CNTNAP2: variants seen among roughly 807,000 people sequenced by gnomAD.
The protein encoded by CNTNAP2 is contactin associated protein 2, also known as contactin-associated protein-like 2.
Under a neutral mutation model 155.2 loss-of-function variants are expected in CNTNAP2, and 98 were observed. That is an observed-to-expected ratio of 0.63 (90% CI 0.54 to 0.75). The LOEUF is 0.75. Among genes scored for constraint, CNTNAP2 ranks in the 30% least tolerant of loss-of-function variants. The pLI, the probability that CNTNAP2 is intolerant of heterozygous loss-of-function variation, is 0.00. For missense variants in CNTNAP2, 1,727 were observed against 1,688.1 expected, an observed-to-expected ratio of 1.02 and a Z score of -0.40; for synonymous variants, 651 against 631.2, an observed-to-expected ratio of 1.03 and a Z score of -0.47.
chr7:148,395,985 G>A lies in CNTNAP2; in HGVS notation c.3715+12097G>A, dbSNP rs78854693. Among the ~76,000 whole-genome samples the A allele has an allele frequency of 2.6e-4, 40 of 152,088 alleles. No homozygotes were observed. In the East Asian group the frequency reaches 6.6e-3, roughly 25 times the overall value. ...CCCAGGGAGGTTAGGACTCTGTCCC[G>A]TTCTTCTCCCTGGGCTGTCCACCCT... On this transcript the variant is annotated intron_variant, in intron 22 of 23. Transcript: ENST00000361727.
At chr7:147,973,489 A>G (rs1026286006) in intron 14 of CNTNAP2, among the ~76,000 whole-genome samples, 1 of 152,308 alleles carries the variant, frequency 6.6e-6, no homozygotes, top group South Asian at 2.1e-4. Flanking sequence ...TATAAACTTC[A>G]ATATAGCATT....
intron 21 of CNTNAP2, among the ~76,000 whole-genome samples, chr7:148,346,743 G>C (rs973769678): frequency 2.0e-5 from 3 of 148,732 alleles, no homozygotes; most frequent in African/African-American, 7.5e-5. Context: ...TTGCACTCCA[G>C]CCTGGGCAAC....
At chr7:146,325,101 G>T (rs534241314) in intron 1 of CNTNAP2, among the ~76,000 whole-genome samples, 165 of 150,456 alleles carry the variant, frequency 1.1e-3, no homozygotes, top group African/African-American at 3.9e-3. Flanking sequence ...CCAATTTTTT[G>T]TTTTTTTTCT....
chr7:148,316,461 C>T (rs1307597059), intron 21 of CNTNAP2, among the ~76,000 whole-genome samples: 1 of 152,094 alleles, frequency 6.6e-6, no homozygotes, highest in East Asian at 1.9e-4. Flanking sequence ...ATAATTGGCA[C>T]CAGACTCTAG....
chr7:147,615,976 A>G (rs1801283951), intron 12 of CNTNAP2, among the ~76,000 whole-genome samples: 1 of 151,910 alleles, frequency 6.6e-6, no homozygotes, highest in South Asian at 2.1e-4. Flanking sequence ...TCTATTTCCC[A>G]CAATTTCTCC....
intron 8 of CNTNAP2, among the ~76,000 whole-genome samples, chr7:147,154,063 A>C (rs939313324): frequency 1.3e-5 from 2 of 152,104 alleles, no homozygotes; most frequent in Non-Finnish European, 1.5e-5. Context: ...AAGAAATTAC[A>C]TCAAGGAGAA....
intron 14 of CNTNAP2, among the ~76,000 whole-genome samples, chr7:147,948,072 A>C (rs2204923): frequency 0.51 from 76,904 of 151,824 alleles, 20,526 homozygotes; most frequent in Middle Eastern, 0.71. Flanking sequence ...AAAATTAATT[A>C]TTTTCAAAGC....
intron 3 of CNTNAP2, among the ~76,000 whole-genome samples, chr7:147,009,785 C>T (rs1030694547): frequency 1.3e-5 from 2 of 152,016 alleles, no homozygotes; most frequent in Non-Finnish European, 2.9e-5. Flanking sequence ...GATAAGTCAT[C>T]AGCTTAAATT....
At chr7:146,140,012 G>T (rs1009214658) in intron 1 of CNTNAP2, among the ~76,000 whole-genome samples, 1 of 152,096 alleles carries the variant, frequency 6.6e-6, no homozygotes, top group Non-Finnish European at 1.5e-5. Flanking sequence ...CCCTCTGTTG[G>T]AATATCTTTG....
chr7:147,256,294 A>T (rs13225477), intron 8 of CNTNAP2, among the ~76,000 whole-genome samples: 5,989 of 152,220 alleles, frequency 0.039, 147 homozygotes, highest in Non-Finnish European at 0.052. Context: ...GTGAGAGAGA[A>T]AGATGGACAC....
intron 13 of CNTNAP2, among the ~76,000 whole-genome samples, chr7:147,756,950 A>T (rs1797220747): frequency 2.0e-5 from 3 of 152,224 alleles, no homozygotes. Flanking sequence ...TTAGACTTGG[A>T]GGGAGGAAGA....
chr7:146,244,126 G>C (rs1392640749), intron 1 of CNTNAP2, among the ~76,000 whole-genome samples: 1 of 152,138 alleles, frequency 6.6e-6, no homozygotes, highest in Admixed American at 6.6e-5. Context: ...AGAAAAACAG[G>C]TATAAAAGGT....
chr7:147,100,846 T>A (rs1186509051), intron 4 of CNTNAP2, among the ~76,000 whole-genome samples: 2 of 152,184 alleles, frequency 1.3e-5, no homozygotes, highest in African/African-American at 4.8e-5. Flanking sequence ...AAAGCCTGTA[T>A]CCTAGAAGAG....
At chr7:147,059,044 C>G (rs1799614857) in intron 4 of CNTNAP2, among the ~76,000 whole-genome samples, 1 of 152,156 alleles carries the variant, frequency 6.6e-6, no homozygotes, top group Non-Finnish European at 1.5e-5. Context: ...CAATCCCAAA[C>G]AAACCTTTCC....
intron 1 of CNTNAP2, among the ~76,000 whole-genome samples, chr7:146,352,783 C>G (rs962211775): frequency 2.1e-4 from 13 of 61,690 alleles, no homozygotes; most frequent in Non-Finnish European, 2.9e-5. Flanking sequence ...GAGACAGAGT[C>G]TCTCTCTGTC....
At chr7:148,157,226 T>C (rs1805415584) in intron 17 of CNTNAP2, among the ~76,000 whole-genome samples, 1 of 152,170 alleles carries the variant, frequency 6.6e-6, no homozygotes, top group South Asian at 2.1e-4. Context: ...AGAAAATTAT[T>C]ATTATTCAGA....
chr7:147,359,247 T>C (rs1396856119), intron 9 of CNTNAP2, among the ~76,000 whole-genome samples: 1 of 152,174 alleles, frequency 6.6e-6, no homozygotes, highest in African/African-American at 2.4e-5. Flanking sequence ...CTGTAAAACT[T>C]GGAGTTCTCT....
chr7:148,089,727 A>T lies in CNTNAP2; in HGVS notation c.2384-28391A>T, dbSNP rs188189502. 3.3e-3 allele frequency among the ~76,000 whole-genome samples: 504 copies of T among 151,852 alleles called. 1 individual carries two copies. The highest frequency in any genetic ancestry group is 6.9e-3 in the Middle Eastern group (2 of 290). On this transcript the variant is annotated intron_variant, in intron 15 of 23. Transcript: ENST00000361727. ...CAGTACTACCCAAAGTGATCTACAG[A>T]TTTAACATAATGCCTATAAAAATTC...
intron 1 of CNTNAP2, among the ~76,000 whole-genome samples, chr7:146,646,389 A>T (rs934608440): frequency 1.3e-5 from 2 of 152,134 alleles, no homozygotes; most frequent in African/African-American, 2.4e-5. Context: ...ATTATTTTTA[A>T]TTATTTACAT....
Sources: allele counts gnomAD v4.1 joint callset (sites outside exome capture counted in the v4.1 genomes callset), GRCh38; gene constraint gnomAD v4.1.1; transcripts MANE v1.5; gene names NCBI Gene and HGNC (gene_info 2026-07-23, HGNC 2026-07-21).